Variants in GATD1 observed in about 807,000 individuals in gnomAD.
GATD1 encodes glutamine amidotransferase class 1 domain containing 1.
Under a neutral mutation model 25.9 loss-of-function variants are expected in GATD1, and 23 were observed. That is an observed-to-expected ratio of 0.89 (90% CI 0.64 to 1.26). The LOEUF is 1.26. Ranked by LOEUF, GATD1 falls within the 50% of genes most tolerant of loss-of-function variation. GATD1 has a pLI of 0.00. For synonymous variants in GATD1, 177 were observed against 134.6 expected, an observed-to-expected ratio of 1.31 and a Z score of -2.18; for missense variants, 347 against 312.5, an observed-to-expected ratio of 1.11 and a Z score of -0.83.
chr11:774,214 C>A, intron 2 of GATD1, 101 bp from the exon 3 acceptor site: 2 of 994,180 alleles, frequency 2.0e-6, no homozygotes. Flanking sequence ...ACAGCATCCC[C>A]CTGAGGCACA....
At position 771,084 on chromosome 11, in the gene GATD1, G is replaced by A. The variant is rs1590083594; in HGVS notation, c.565C>T (p.His189Tyr). The change falls in exon 7 of 8, where the codon CAC becomes TAC. Residue 189 changes from histidine to tyrosine, a missense_variant. Transcript: ENST00000319863. ...ACCAGGTGGCGGTCCAGCACGACGT[G>A]GACAGCGTCAGGCTCGCTTGCTGGG... ...CFSASEPDAV[H>Y]VVLDRHLVTG... 1 of 1,606,712 alleles carries A rather than the reference G, an allele frequency of 6.2e-7. No individual in the cohort carries two copies.
chr11:770,333 G>A lies in GATD1; in HGVS notation c.*564C>T, dbSNP rs1004148236. ...GCTTACACTTTGAAACCACACGCCA[G>A]GAAGATTTCTTCAACAGGAAAGTGC... On this transcript the variant is annotated 3_prime_UTR_variant, in exon 8 of 8. Transcript: ENST00000319863. 9 of 1,534,442 alleles carry A rather than the reference G, an allele frequency of 5.9e-6. No individual in the cohort carries two copies. The African/African-American group carries it at 1.1e-4, about 19-fold the overall frequency.
rs1863312319 is a variant in GATD1 at position 770,241 on chromosome 11, T to C, written c.*656A>G. On this transcript the variant is annotated 3_prime_UTR_variant, in exon 8 of 8. Coordinates refer to ENST00000319863, the MANE Select transcript of GATD1 (RefSeq NM_182612.4). ...GACAGCACTTTCCTATCATTGAGAATCTCATGGTCTCATATTCACAAGTAA... is the reference window on the plus strand; with the variant it reads ...GACAGCACTTTCCTATCATTGAGAACCTCATGGTCTCATATTCACAAGTAA... The C allele has an allele frequency of 2.2e-6, 3 of 1,394,510 alleles. No individual in the cohort carries two copies. Among genetic ancestry groups the C allele is most frequent in the South Asian group, 1.6e-5 (1 of 61,494 alleles). 86.4% of individuals were successfully genotyped at this position (1,394,510 alleles called of 1,614,324 possible). A position where few individuals can be genotyped will look rare whatever the true frequency, so the allele number is the denominator to read the frequency against.
In GATD1 at chr11:771,227, TG is replaced by T. The variant is rs1006486927; in HGVS notation, c.544+105del. 3 of 1,547,786 alleles carry T rather than the reference TG, an allele frequency of 1.9e-6. No individual in the cohort carries two copies. The African/African-American group carries it at 4.1e-5, about 21-fold the overall frequency. ...CCTGTCTGGGTCTGAGTCAGTGCCA[TG>T]GGGGTCTATAGAACCCAGGGCCCAG... is the stretch of plus-strand genomic sequence containing the variant. On this transcript the variant is annotated intron_variant, in intron 6 of 7. Coordinates refer to ENST00000319863, the MANE Select transcript of GATD1 (RefSeq NM_182612.4).
chr11:771,473 G>T, intron 5 of GATD1, 47 bp from the exon 6 acceptor site: 2 of 1,490,330 alleles, frequency 1.3e-6, no homozygotes, highest in Non-Finnish European at 1.8e-6. Flanking sequence ...AGGCCCTGCG[G>T]CCCACCCCAG....
chr11:771,396 CG>C lies in GATD1; in HGVS notation c.480del (p.Gly161AlafsTer13). 2 of 1,566,560 alleles carry C rather than the reference CG, an allele frequency of 1.3e-6. No individual in the cohort carries two copies. Among genetic ancestry groups the C allele is most frequent in the African/African-American group, 1.4e-5 (1 of 73,698 alleles). On this transcript the variant is annotated frameshift_variant, in exon 6 of 8. Transcript: ENST00000319863. LOFTEE classifies it high-confidence loss of function. ...ACCACGAGCGGCAGGCGGGCGAAGCCGGGGGCCCTGACGAGCTCACACACAG... is the reference window on the plus strand; with the variant it reads ...ACCACGAGCGGCAGGCGGGCGAAGCCGGGGCCCTGACGAGCTCACACACAG... Reference protein sequence around the residue: ...GPSVCELVRAPGFARLPLVVE... With the variant: ...GPSVCELVRAXGFARLPLVVE...
rs1863663293 is a variant in GATD1, at chr11:773,588, C to A, written c.289G>T (p.Ala97Ser). ...HALLIPSCPG[A>S]LTDLASSGSL... Reference sequence around the variant, plus strand: ...CCACTGCTGGCCAGGTCGGTCAGGGCCCCAGGACAGCTGGGGATCAGGAGG... The same window carrying A: ...CCACTGCTGGCCAGGTCGGTCAGGGACCCAGGACAGCTGGGGATCAGGAGG... The change falls in exon 4 of 8, where the codon GCC becomes TCC. Residue 97 changes from alanine (A) to serine (S), a missense_variant. Transcript: ENST00000319863. 4 of 1,608,796 alleles carry A rather than the reference C, an allele frequency of 2.5e-6. No homozygotes were observed. Among genetic ancestry groups the A allele is most frequent in the Non-Finnish European group, 3.4e-6 (4 of 1,178,678 alleles).
intron 1 of GATD1, among the ~76,000 whole-genome samples, chr11:775,938 C>A (rs1265478054): frequency 1.4e-5 from 2 of 146,576 alleles, no homozygotes; most frequent in Admixed American, 6.8e-5. Context: ...TATTTTAACT[C>A]TGGGGCCCAA....
At position 767,922 on chromosome 11, in the gene GATD1, C is replaced by T. The variant is rs1863147196; in HGVS notation, c.*2975G>A. On this transcript the variant is annotated 3_prime_UTR_variant, in exon 8 of 8. Transcript: ENST00000319863. ...CTAGAGTGCAGTGGCACGATGTCAG[C>T]TCACTGCAACCTCCGCCTCCTGGGT... 6.6e-6 allele frequency: 1 copy of T among 151,924 alleles called. No homozygotes were observed. The highest frequency in any genetic ancestry group is 2.4e-5 in the African/African-American group (1 of 41,254). The allele number at this position is 151,924 out of a possible 1,614,324, so 9.4% of individuals were successfully genotyped here.
rs917151484 is a variant in GATD1 at position 769,152 on chromosome 11, C to T, written c.*1745G>A. ...TTGTCCACAGAGGTCCATCACCACACGGGGATGAGAGTGGACCCGGGACAG... is the reference window on the plus strand; with the variant it reads ...TTGTCCACAGAGGTCCATCACCACATGGGGATGAGAGTGGACCCGGGACAG... On this transcript the variant is annotated 3_prime_UTR_variant, in exon 8 of 8. Coordinates refer to ENST00000319863, the MANE Select transcript of GATD1 (RefSeq NM_182612.4). The T allele has an allele frequency of 9.1e-6, 9 of 985,184 alleles. No homozygotes were observed. The highest frequency in any genetic ancestry group is 1.1e-4 in the East Asian group (1 of 8,816). 61.0% of individuals were successfully genotyped at this position (985,184 alleles called of 1,614,324 possible).
In GATD1 at chr11:770,640, A is replaced by G. The variant is rs1863344779; in HGVS notation, c.*257T>C. 7.0e-7 allele frequency: 1 copy of G among 1,418,978 alleles called. No individual in the cohort carries two copies. Among genetic ancestry groups the G allele is most frequent in the Non-Finnish European group, 9.2e-7 (1 of 1,090,480 alleles). The allele number at this position is 1,418,978 out of a possible 1,614,324, so 87.9% of individuals were successfully genotyped here. ...CCGAGGACCACCTAGCAGCTAGCAC[A>G]GCTCTCCAGGCACGTGGGGTCTTTT... On this transcript the variant is annotated 3_prime_UTR_variant, in exon 8 of 8. Transcript: ENST00000319863.
rs202087022 is a variant in GATD1, at chr11:772,498, C to T, written c.379G>A (p.Gly127Ser). The T allele has an allele frequency of 1.1e-5, 18 of 1,612,022 alleles. No homozygotes were observed. Among genetic ancestry groups the T allele is most frequent in the East Asian group, 2.2e-5 (1 of 44,876 alleles). Residue 127 changes from glycine to serine, a missense_variant, in exon 5 of 8, where the codon GGT (glycine) becomes AGT (serine). Gly to Ser is a moderately conservative substitution (Grantham distance 56). Transcript: ENST00000319863. ...GTGGCACAGCACAGGGCGGCGACAC[C>T]GTGGCCGACGGCGCAGATGGGTTCT... ...ESKPICAVGH[G>S]VAALCCATNE...
At position 767,706 on chromosome 11, in the gene GATD1, G is replaced by C. The variant is rs972120389; in HGVS notation, c.*3191C>G. On this transcript the variant is annotated 3_prime_UTR_variant, in exon 8 of 8. Coordinates refer to ENST00000319863, the MANE Select transcript of GATD1 (RefSeq NM_182612.4). Reference sequence around the variant, plus strand: ...AGGTGGGGCATTTGGGAGGTCATCCGGTCACAGGGCAGGGGCACAGCCTCA... The same window carrying C: ...AGGTGGGGCATTTGGGAGGTCATCCCGTCACAGGGCAGGGGCACAGCCTCA... 45 of 944,258 alleles carry C rather than the reference G, an allele frequency of 4.8e-5. No individual in the cohort carries two copies. The highest frequency in any genetic ancestry group is 4.4e-4 in the Middle Eastern group (1 of 2,264). 58.5% of individuals were successfully genotyped at this position (944,258 alleles called of 1,614,324 possible).
At position 771,332 on chromosome 11, in the gene GATD1, C is replaced by A; in HGVS notation, c.544+1G>T. On this transcript the variant is annotated splice_donor_variant, in intron 6 of 7. Coordinates refer to ENST00000319863, the MANE Select transcript of GATD1 (RefSeq NM_182612.4). LOFTEE classifies it high-confidence loss of function. ...GTGCAGGGGGCACCCTCGAGGCTCA[C>A]CACTGAAGCAGGCGCCCGAATCCTT... 6.2e-7 allele frequency: 1 copy of A among 1,601,278 alleles called. No homozygotes were observed. Among genetic ancestry groups the A allele is most frequent in the Non-Finnish European group, 8.5e-7 (1 of 1,174,416 alleles).
rs1863304629 is a variant in GATD1 at position 770,137 on chromosome 11, G to A, written c.*760C>T. The A allele has an allele frequency of 8.0e-7, 1 of 1,247,010 alleles. No homozygotes were observed. The allele number at this position is 1,247,010 out of a possible 1,614,324, so 77.2% of individuals were successfully genotyped here. On this transcript the variant is annotated 3_prime_UTR_variant, in exon 8 of 8. Coordinates refer to ENST00000319863, the MANE Select transcript of GATD1 (RefSeq NM_182612.4). ...CAGCCCGCTGGAGGGCCACAGCCCA[G>A]GCCAGGTGCCCAGCAGGCTGGACCA...
intron 2 of GATD1, 49 bp from the exon 3 acceptor site, chr11:774,162 T>C (rs376932046): frequency 1.4e-4 from 214 of 1,518,020 alleles, no homozygotes; most frequent in Non-Finnish European, 1.9e-4. Context: ...GGGATATCCC[T>C]GTCGGCTCAG....
chr11:771,280 G>A (rs767165079), intron 6 of GATD1, 53 bp downstream of exon 6: 5 of 1,586,432 alleles, frequency 3.2e-6, no homozygotes, highest in Non-Finnish European at 3.4e-6. Flanking sequence ...GCTGCAGCAG[G>A]GAAGCCCCCC....
rs534703953 is a variant in GATD1, at chr11:767,853, C to CT, written c.*3043dup. Reference sequence around the variant, plus strand: ...TAAGCCACTAGGTTTACAATATTTTCTTTTTTTTTTTTTTTGAGATGGAGT... The same window carrying CT: ...TAAGCCACTAGGTTTACAATATTTTCTTTTTTTTTTTTTTTTGAGATGGAGT... On this transcript the variant is annotated 3_prime_UTR_variant, in exon 8 of 8. Transcript: ENST00000319863. 0.011 allele frequency: 1,567 copies of CT among 144,426 alleles called. 18 individuals are homozygous for CT. Among genetic ancestry groups the CT allele is most frequent in the Middle Eastern group, 0.026 (7 of 270 alleles). 8.9% of individuals were successfully genotyped at this position (144,426 alleles called of 1,614,324 possible). A position where few individuals can be genotyped will look rare whatever the true frequency, so the allele number is the denominator to read the frequency against.
rs536865717 is a variant in GATD1 at position 769,767 on chromosome 11, G to A, written c.*1130C>T. On this transcript the variant is annotated 3_prime_UTR_variant, in exon 8 of 8. Transcript: ENST00000319863. Reference sequence around the variant, plus strand: ...TGGGACTACACACACCCACCACCATGCCAGGCTAACTTTTTGTATTTTTGT... The same window carrying A: ...TGGGACTACACACACCCACCACCATACCAGGCTAACTTTTTGTATTTTTGT... 1.5e-4 allele frequency: 44 copies of A among 290,072 alleles called. No individual in the cohort carries two copies. The highest frequency in any genetic ancestry group is 9.5e-4 in the African/African-American group (42 of 44,018). 18.0% of individuals were successfully genotyped at this position (290,072 alleles called of 1,614,324 possible). A position where few individuals can be genotyped will look rare whatever the true frequency, so the allele number is the denominator to read the frequency against.
Sources: gnomAD v4.1 joint callset for allele counts (sites outside exome capture counted in the v4.1 genomes callset) on GRCh38, gnomAD v4.1.1 for gene constraint, MANE v1.5 for transcripts, NCBI Gene and HGNC (gene_info 2026-07-23, HGNC 2026-07-21) for gene names.